Variants in ATP8B4 observed in about 807,000 individuals in gnomAD.
The protein encoded by ATP8B4 is probable phospholipid-transporting ATPase IM.
Under a neutral mutation model 145.6 loss-of-function variants are expected in ATP8B4, and 133 were observed. The observed-to-expected ratio is 0.91, with a 90% confidence interval of 0.79 to 1.05. The LOEUF (loss-of-function observed/expected upper bound fraction) is 1.05, where lower values mean the gene tolerates loss of function less well. Among genes scored for constraint, ATP8B4 ranks in the 50% least tolerant of loss-of-function variants. ATP8B4 has a pLI of 0.00. For synonymous variants in ATP8B4, 507 were observed against 492.9 expected (o/e 1.03, Z -0.38); for missense variants, 1,458 against 1,425.2 (o/e 1.02, Z -0.37).
At chr15:50,151,566 C>T (rs1465957301) in intron 1 of ATP8B4, among the ~76,000 whole-genome samples, 1 of 152,054 alleles carries the variant, frequency 6.6e-6, no homozygotes, top group Non-Finnish European at 1.5e-5. Context: ...ACATGGTCAA[C>T]ATGGCGAAAC....
chr15:50,160,637 G>C (rs78045043), intron 1 of ATP8B4, among the ~76,000 whole-genome samples: 1 of 150,818 alleles, frequency 6.6e-6, no homozygotes, highest in African/African-American at 2.4e-5. Flanking sequence ...TGAGTCACTG[G>C]TCATTCAGGA....
intron 24 of ATP8B4, 122 bp from the exon 25 acceptor site, chr15:49,876,645 G>A (rs1184885144): frequency 1.6e-6 from 2 of 1,282,598 alleles, no homozygotes; most frequent in East Asian, 4.8e-5. Flanking sequence ...CTACTCACTG[G>A]GCCAGAACAG....
Position 49,996,718 on chromosome 15 carries a change from G to A in ATP8B4, c.548C>T (p.Ser183Leu). The A allele has an allele frequency of 1.2e-6, 2 of 1,610,850 alleles. No homozygotes were observed. The highest frequency in any genetic ancestry group is 1.7e-6 in the Non-Finnish European group (2 of 1,177,840). ...LKVRHALSVTSELGADISRLA... is the reference protein window; with the variant it reads ...LKVRHALSVTLELGADISRLA... The stretch of plus-strand genomic sequence containing the variant: ...TCTGCTGATATCTGCTCCAAGTTCT[G>A]AAGTAACTGATAGTGCATGGCGGAC... The change falls in exon 9 of 28, where the codon TCA becomes TTA. Residue 183 changes from serine to leucine, a missense_variant. Physicochemically the swap from Ser to Leu is moderately radical, Grantham distance 145. Coordinates refer to ENST00000284509, the MANE Select transcript of ATP8B4 (RefSeq NM_024837.4).
In ATP8B4 at chr15:50,052,722, G is replaced by C. The variant is rs2052286754; in HGVS notation, c.88-5258C>G. 6.6e-5 allele frequency among the ~76,000 whole-genome samples: 10 copies of C among 152,156 alleles called. No individual in the cohort carries two copies. The South Asian group carries it at 1.9e-3, about 28-fold the overall frequency. On this transcript the variant is annotated intron_variant, in intron 3 of 27. Coordinates refer to ENST00000284509, the MANE Select transcript of ATP8B4 (RefSeq NM_024837.4). ...ATTTTAACGCAAAGGCCCTTAGGTA[G>C]GCAAAAGGTGGCACACTTGGGGATC... is the stretch of plus-strand genomic sequence containing the variant.
At chr15:50,144,169 T>G (rs1381115497) in intron 1 of ATP8B4, among the ~76,000 whole-genome samples, 1 of 151,990 alleles carries the variant, frequency 6.6e-6, no homozygotes, top group Non-Finnish European at 1.5e-5. Context: ...GAGGGAAGAA[T>G]GGAAGCAGGG....
chr15:50,033,920 T>A (rs2050634725), intron 6 of ATP8B4, among the ~76,000 whole-genome samples: 1 of 152,226 alleles, frequency 6.6e-6, no homozygotes, highest in African/African-American at 2.4e-5. Context: ...TATGTAGTAT[T>A]CCATGGTGTA....
At chr15:49,959,446 A>G (rs138809847) in intron 14 of ATP8B4, among the ~76,000 whole-genome samples, 126 of 152,206 alleles carry the variant, frequency 8.3e-4, no homozygotes, top group African/African-American at 2.9e-3. Flanking sequence ...ATTACTTTGT[A>G]TTATTCTAAG....
At chr15:50,151,856 G>C (rs910406285) in intron 1 of ATP8B4, among the ~76,000 whole-genome samples, 5 of 150,914 alleles carry the variant, frequency 3.3e-5, no homozygotes, top group Admixed American at 6.6e-5. Context: ...GGAATAGTAA[G>C]AATAAAGAGT....
At chr15:50,106,023 G>A (rs1241812556) in intron 2 of ATP8B4, among the ~76,000 whole-genome samples, 1 of 152,160 alleles carries the variant, frequency 6.6e-6, no homozygotes, top group Non-Finnish European at 1.5e-5. Flanking sequence ...GCCTGTGGGT[G>A]GGAACCACAT....
intron 3 of ATP8B4, among the ~76,000 whole-genome samples, chr15:50,052,816 C>A (rs2052293918): frequency 6.6e-6 from 1 of 152,162 alleles, no homozygotes; most frequent in Non-Finnish European, 1.5e-5. Flanking sequence ...CCTCAGAATA[C>A]ATACTAAGAA....
chr15:49,982,793 T>G (rs916351181), intron 10 of ATP8B4, among the ~76,000 whole-genome samples: 1 of 152,126 alleles, frequency 6.6e-6, no homozygotes, highest in African/African-American at 2.4e-5. Flanking sequence ...CGTTTTCTTA[T>G]CTCCCACTCG....
intron 3 of ATP8B4, among the ~76,000 whole-genome samples, chr15:50,072,067 ATAAT>A (rs1040823623): frequency 3.3e-5 from 5 of 151,594 alleles, no homozygotes; most frequent in African/African-American, 1.2e-4. Context: ...TAATTGATTA[ATAAT>A]TAATCAAGCT....
chr15:50,164,211 T>C (rs1189381003), intron 1 of ATP8B4, among the ~76,000 whole-genome samples: 1 of 152,130 alleles, frequency 6.6e-6, no homozygotes, highest in African/African-American at 2.4e-5. Context: ...AGTCTCTCTC[T>C]GTAGCCACCA....
chr15:50,114,832 A>T (rs1004230636), intron 1 of ATP8B4, among the ~76,000 whole-genome samples: 1 of 152,198 alleles, frequency 6.6e-6, no homozygotes, highest in African/African-American at 2.4e-5. Flanking sequence ...GTATTTTTTT[A>T]ACTCTCCACA....
intron 14 of ATP8B4, among the ~76,000 whole-genome samples, chr15:49,955,779 T>C (rs1157519955): frequency 6.6e-6 from 1 of 152,120 alleles, no homozygotes; most frequent in Non-Finnish European, 1.5e-5. Context: ...GAATGACAAA[T>C]ACAGAATTAT....
At chr15:50,111,466 C>A (rs893989101) in intron 1 of ATP8B4, among the ~76,000 whole-genome samples, 2 of 152,214 alleles carry the variant, frequency 1.3e-5, no homozygotes, top group East Asian at 1.9e-4. Flanking sequence ...CCAGAAAGAT[C>A]TGTTTTGGGT....
Position 49,858,908 on chromosome 15 carries a change from G to C in ATP8B4, c.*1286C>G, listed in dbSNP as rs2031148041. 1 of 152,154 alleles carries C rather than the reference G, an allele frequency of 6.6e-6. No individual in the cohort carries two copies. Among genetic ancestry groups the C allele is most frequent in the Non-Finnish European group, 1.5e-5 (1 of 68,022 alleles). The allele number at this position is 152,154 out of a possible 1,614,324, so 9.4% of individuals were successfully genotyped here. Reference sequence around the variant, plus strand: ...TAATTATGTTTTTAATAATTTCAGAGTTTGTGCTTTGACAGACAATCATCA... The same window carrying C: ...TAATTATGTTTTTAATAATTTCAGACTTTGTGCTTTGACAGACAATCATCA... On this transcript the variant is annotated 3_prime_UTR_variant, in exon 28 of 28. Coordinates refer to ENST00000284509, the MANE Select transcript of ATP8B4 (RefSeq NM_024837.4).
At chr15:50,085,759 T>C (rs1399988006) in intron 2 of ATP8B4, among the ~76,000 whole-genome samples, 1 of 148,588 alleles carries the variant, frequency 6.7e-6, no homozygotes, top group Non-Finnish European at 1.5e-5. Flanking sequence ...TAAATGTATA[T>C]GTATATGCAT....
intron 3 of ATP8B4, among the ~76,000 whole-genome samples, chr15:50,057,764 G>C (rs1435486824): frequency 6.6e-6 from 1 of 152,160 alleles, no homozygotes; most frequent in African/African-American, 2.4e-5. Flanking sequence ...TAGGGTTCCA[G>C]TGTCTGAAAG....
Sources: gnomAD v4.1 joint callset for allele counts (sites outside exome capture counted in the v4.1 genomes callset) on GRCh38, gnomAD v4.1.1 for gene constraint, MANE v1.5 for transcripts, NCBI Gene and HGNC (gene_info 2026-07-23, HGNC 2026-07-21) for gene names.